The following KSR2 variants were observed in gnomAD, a reference collection of about 807,000 sequenced individuals.
KSR2 encodes the protein kinase suppressor of ras 2.
KSR2 carries 25 observed loss-of-function variants against 107.8 expected under a neutral mutation model. The ratio of observed to expected loss-of-function variants is 0.23; its 90% confidence interval spans 0.17 to 0.32. The LOEUF (loss-of-function observed/expected upper bound fraction) is 0.32, where lower values mean the gene tolerates loss of function less well. Ranked by LOEUF, KSR2 falls within the 10% of genes least tolerant of loss-of-function variation. KSR2 has a pLI of 1.00. For synonymous variants in KSR2, 480 were observed against 507.0 expected, an observed-to-expected ratio of 0.95 and a Z score of 0.71; for missense variants, 887 against 1,268.9, an observed-to-expected ratio of 0.70 and a Z score of 4.57.
At chr12:117,473,991 T>C (rs1871627690) in intron 17 of KSR2, among the ~76,000 whole-genome samples, 1 of 152,176 alleles carries the variant, frequency 6.6e-6, no homozygotes, top group Non-Finnish European at 1.5e-5. Context: ...TGCTCAATCC[T>C]CTTTAAAAAG....
chr12:117,817,904 A>T (rs115469808), intron 3 of KSR2, among the ~76,000 whole-genome samples: 3,683 of 152,088 alleles, frequency 0.024, 126 homozygotes, highest in African/African-American at 0.075. Flanking sequence ...AGTTCAAGAC[A>T]AGGCGGGCCA....
At chr12:117,697,271 G>C (rs967395204) in intron 4 of KSR2, among the ~76,000 whole-genome samples, 1 of 152,214 alleles carries the variant, frequency 6.6e-6, no homozygotes, top group Non-Finnish European at 1.5e-5. Context: ...TGTTAAAACA[G>C]TATAGGAAGG....
Position 117,525,163 on chromosome 12 carries a change from G to T in KSR2, c.1908C>A (p.Asn636Lys). Residue 636 changes from asparagine (N) to lysine (K), a missense_variant, in exon 14 of 20, where the codon AAC becomes AAA. Physicochemically the swap from Asn to Lys is moderately conservative, Grantham distance 94. Around this residue, in one of 8 missense-constraint regions of KSR2, gnomAD observed 308 missense variants for 506.2 expected, o/e 0.61. Transcript: ENST00000339824. ...AGCTCCGGGCCGAGAGGAGGGACAG[G>T]TTCATCTCCTCGAAGTCATCCTCTG... is the stretch of plus-strand genomic sequence containing the variant. ...EESEDDFEEM[N>K]LSLLSARSFP... 1 of 1,613,860 alleles carries T rather than the reference G, an allele frequency of 6.2e-7. No individual in the cohort carries two copies. Among genetic ancestry groups the T allele is most frequent in the Non-Finnish European group, 8.5e-7 (1 of 1,179,816 alleles).
intron 7 of KSR2, among the ~76,000 whole-genome samples, chr12:117,567,102 A>G (rs11068543): frequency 0.19 from 28,240 of 152,214 alleles, 2,945 homozygotes; most frequent in Middle Eastern, 0.32. Context: ...CAAAGAGTTT[A>G]AAGTCTGGTC....
intron 3 of KSR2, among the ~76,000 whole-genome samples, chr12:117,807,692 C>A (rs74362406): frequency 2.3e-3 from 357 of 152,344 alleles, no homozygotes; most frequent in Non-Finnish European, 3.0e-3. Context: ...CAACAAATAT[C>A]TATTGAGAAC....
intron 1 of KSR2, among the ~76,000 whole-genome samples, chr12:117,960,691 CT>C (rs1896636278): frequency 6.6e-6 from 1 of 152,080 alleles, no homozygotes; most frequent in Admixed American, 6.6e-5. Context: ...TTGTTTTAAG[CT>C]ACTAAGTTTT....
chr12:117,928,008 C>T (rs972521434), intron 1 of KSR2, among the ~76,000 whole-genome samples: 7 of 152,004 alleles, frequency 4.6e-5, no homozygotes, highest in African/African-American at 1.7e-4. Context: ...CCCCTCTCAG[C>T]CCCTGGCAAC....
At chr12:117,935,092 C>A (rs115484524) in intron 1 of KSR2, among the ~76,000 whole-genome samples, 2 of 151,942 alleles carry the variant, frequency 1.3e-5, no homozygotes, top group Admixed American at 6.6e-5. Flanking sequence ...CCTCCCAAAG[C>A]GCTGGGATTA....
At chr12:117,856,628 C>G (rs1045842110) in intron 2 of KSR2, among the ~76,000 whole-genome samples, 1 of 152,138 alleles carries the variant, frequency 6.6e-6, no homozygotes, top group African/African-American at 2.4e-5. Flanking sequence ...AGCCACTCAC[C>G]ACCACGCCTG....
intron 1 of KSR2, among the ~76,000 whole-genome samples, chr12:117,913,875 G>A (rs1895097662): frequency 3.9e-5 from 6 of 152,090 alleles, no homozygotes; most frequent in Admixed American, 3.9e-4. Flanking sequence ...GGACCCGCCG[G>A]ATGACTCTGC....
At chr12:117,841,491 G>A (rs1490005235) in intron 3 of KSR2, among the ~76,000 whole-genome samples, 1 of 152,106 alleles carries the variant, frequency 6.6e-6, no homozygotes, top group Non-Finnish European at 1.5e-5. Flanking sequence ...CCTGCATGCA[G>A]GTGCTTCCTA....
chr12:117,640,500 C>T (rs540349252), intron 5 of KSR2, among the ~76,000 whole-genome samples: 1 of 152,346 alleles, frequency 6.6e-6, no homozygotes, highest in South Asian at 2.1e-4. Context: ...ATCCACTCGC[C>T]TTGGCCTCCC....
rs954706544 is a variant in KSR2, at chr12:117,482,704, C to A, written c.2450+1712G>T. 2.6e-5 allele frequency among the ~76,000 whole-genome samples: 4 copies of A among 152,192 alleles called. No individual in the cohort carries two copies. The East Asian group carries it at 7.7e-4, about 29-fold the overall frequency. On this transcript the variant is annotated intron_variant, in intron 16 of 19. Coordinates refer to ENST00000339824, the MANE Select transcript of KSR2 (RefSeq NM_173598.6). ...TTCCATTTCTTTTTCTTCCTCTTCT[C>A]CTTGTGGCTTCAGAAAACTGAGTCT...
rs1870451019 is a variant in KSR2, at chr12:117,453,748, AACGTTGACC to A, written c.*13442_*13450del. 6.6e-6 allele frequency: 1 copy of A among 152,128 alleles called. No individual in the cohort carries two copies. The highest frequency in any genetic ancestry group is 2.1e-4 in the South Asian group (1 of 4,824). 9.4% of individuals were successfully genotyped at this position (152,128 alleles called of 1,614,324 possible). ...CGAGAAATGAGAGGCTTGGGGTGGA[AACGTTGACC>A]ACCTAAGTCTGGGATCTTCTCTGCC... is the stretch of plus-strand genomic sequence containing the variant. On this transcript the variant is annotated 3_prime_UTR_variant, in exon 20 of 20. Coordinates refer to ENST00000339824, the MANE Select transcript of KSR2 (RefSeq NM_173598.6).
intron 14 of KSR2, among the ~76,000 whole-genome samples, chr12:117,514,544 CT>C (rs55927845): frequency 0.036 from 4,694 of 129,990 alleles, 132 homozygotes; most frequent in African/African-American, 0.088. Context: ...CTCTCTCTCT[CT>C]TTTTTTTTTT....
intron 16 of KSR2, among the ~76,000 whole-genome samples, chr12:117,483,607 G>T (rs1308321728): frequency 6.6e-6 from 1 of 152,116 alleles, no homozygotes; most frequent in Non-Finnish European, 1.5e-5. Context: ...AGTCACAAGG[G>T]TAGACTTTCT....
intron 1 of KSR2, among the ~76,000 whole-genome samples, chr12:117,944,104 C>T (rs979683237): frequency 3.3e-5 from 5 of 152,164 alleles, no homozygotes; most frequent in African/African-American, 9.7e-5. Context: ...TGGCCCGGAG[C>T]GGTGGCTCAT....
At chr12:117,632,398 T>C (rs1882852151) in intron 5 of KSR2, among the ~76,000 whole-genome samples, 1 of 151,956 alleles carries the variant, frequency 6.6e-6, no homozygotes, top group East Asian at 1.9e-4. Context: ...CTAATTTTTT[T>C]TGTATTTTTA....
intron 19 of KSR2, among the ~76,000 whole-genome samples, chr12:117,467,609 C>G (rs1314178162): frequency 6.6e-6 from 1 of 152,152 alleles, no homozygotes; most frequent in Non-Finnish European, 1.5e-5. Context: ...TGGGCATGGA[C>G]TAGGAATGGT....
Sources: allele counts gnomAD v4.1 joint callset (sites outside exome capture counted in the v4.1 genomes callset), GRCh38; gene constraint gnomAD v4.1.1; regional missense constraint gnomAD v4.1.1; transcripts MANE v1.5; gene names NCBI Gene and HGNC (gene_info 2026-07-23, HGNC 2026-07-21).